The following GAS7 variants were observed in gnomAD, a reference collection of about 807,000 sequenced individuals.
The protein encoded by GAS7 is growth arrest specific 7, also known as growth arrest-specific protein 7.
GAS7 carries 28 observed loss-of-function variants against 71.1 expected under a neutral mutation model. The ratio of observed to expected loss-of-function variants is 0.39; its 90% CI spans 0.29 to 0.54. The LOEUF is 0.54. GAS7 is among the 20% of genes least tolerant of loss of function. The pLI is 0.62. For missense variants in GAS7, 436 were observed against 627.8 expected, an observed-to-expected ratio of 0.69 and a Z score of 3.27; for synonymous variants, 258 against 245.8, an observed-to-expected ratio of 1.05 and a Z score of -0.46.
intron 1 of GAS7, among the ~76,000 whole-genome samples, chr17:10,120,892 C>T (rs1567600229): frequency 6.6e-6 from 1 of 152,192 alleles, no homozygotes; most frequent in Non-Finnish European, 1.5e-5. Flanking sequence ...CCCCTCCTCT[C>T]ATCCTTTCTC....
At chr17:10,073,246 A>C (rs564119071) in intron 1 of GAS7, among the ~76,000 whole-genome samples, 5 of 152,292 alleles carry the variant, frequency 3.3e-5, no homozygotes, top group Admixed American at 2.6e-4. Context: ...GGGCAGATGT[A>C]ATCACTATGC....
intron 1 of GAS7, among the ~76,000 whole-genome samples, chr17:10,190,615 G>A (rs185864728): frequency 6.6e-6 from 1 of 151,848 alleles, no homozygotes; most frequent in Admixed American, 6.6e-5. Context: ...ATGCTTCTAA[G>A]GAAGAAGGGA....
chr17:10,026,307 A>G lies in GAS7; in HGVS notation c.184-6410T>C, dbSNP rs2072461149. The stretch of plus-strand genomic sequence containing the variant: ...CAATAGGAGCTCTAAAGAAAAGCAT[A>G]TCCACAGGGCCCCACACCCCCACTC... On this transcript the variant is annotated intron_variant, in intron 1 of 13. Transcript: ENST00000432992. The surrounding 1 kb of genome is among the most constrained non-coding windows in gnomAD (Gnocchi z 4.5). The G allele has an allele frequency of 1.0e-6, 1 of 984,952 alleles. No individual in the cohort carries two copies. The highest frequency in any genetic ancestry group is 4.7e-5 in the South Asian group (1 of 21,278). 61.0% of individuals were successfully genotyped at this position (984,952 alleles called of 1,614,324 possible).
intron 2 of GAS7, among the ~76,000 whole-genome samples, chr17:9,998,954 C>T (rs1243396273): frequency 2.6e-5 from 4 of 152,158 alleles, no homozygotes; most frequent in African/African-American, 9.7e-5. Flanking sequence ...GGCCCAGAGG[C>T]CATTAGACTG....
intron 1 of GAS7, among the ~76,000 whole-genome samples, chr17:10,149,398 C>T (rs539760065): frequency 2.0e-5 from 3 of 152,132 alleles, no homozygotes; most frequent in South Asian, 2.1e-4. Context: ...CCACCGCGCC[C>T]GGCCCCATTT....
At chr17:9,968,422 A>G (rs1378539825) in intron 4 of GAS7, among the ~76,000 whole-genome samples, 3 of 152,232 alleles carry the variant, frequency 2.0e-5, no homozygotes, top group Non-Finnish European at 4.4e-5. Context: ...CATTTTAACA[A>G]GAGGCCCAGC....
intron 1 of GAS7, chr17:10,036,805 G>C: frequency 9.9e-7 from 1 of 1,012,308 alleles, no homozygotes; most frequent in Non-Finnish European, 1.2e-6. Flanking sequence ...GCTAAAAAAC[G>C]TTGGCTGAGG....
chr17:10,080,282 G>T (rs948312201), intron 1 of GAS7, among the ~76,000 whole-genome samples: 2 of 152,158 alleles, frequency 1.3e-5, no homozygotes, highest in African/African-American at 4.8e-5. Context: ...ATGCCAGGAA[G>T]TTACCCTATA....
chr17:10,167,219 G>A (rs919618164), intron 1 of GAS7, among the ~76,000 whole-genome samples: 10 of 151,072 alleles, frequency 6.6e-5, no homozygotes, highest in East Asian at 1.9e-4. Context: ...CACCACGCCC[G>A]GCTAATTTTG....
At chr17:10,195,377 AG>A (rs759368528) in intron 1 of GAS7, among the ~76,000 whole-genome samples, 13 of 152,238 alleles carry the variant, frequency 8.5e-5, no homozygotes, top group Non-Finnish European at 1.5e-4. Flanking sequence ...CTCCTTGGGA[AG>A]TATCCAGTGT....
chr17:9,929,417 A>T (rs2152077654), intron 9 of GAS7, among the ~76,000 whole-genome samples: 1 of 152,208 alleles, frequency 6.6e-6, no homozygotes, highest in East Asian at 1.9e-4. Context: ...AAGTGATTTG[A>T]TTCCACAGAT....
At chr17:9,994,254 G>A (rs1305153075) in intron 2 of GAS7, among the ~76,000 whole-genome samples, 1 of 150,550 alleles carries the variant, frequency 6.6e-6, no homozygotes, top group Non-Finnish European at 1.5e-5. Flanking sequence ...CAAAGCTGGA[G>A]GCATCACGCT....
intron 1 of GAS7, among the ~76,000 whole-genome samples, chr17:10,169,474 G>A (rs989024156): frequency 2.0e-5 from 3 of 152,132 alleles, no homozygotes; most frequent in African/African-American, 7.2e-5. Flanking sequence ...CAGGAAGGGT[G>A]CGTCATCCCT....
In GAS7 at chr17:10,026,867, G is replaced by A. The variant is rs1359908603; in HGVS notation, c.184-6970C>T. ...CACCAGCCCCAGAGTCTGTCTCTAA[G>A]AATACTGGGCGCATTTCCTGTCTCA... is the stretch of plus-strand genomic sequence containing the variant. On this transcript the variant is annotated intron_variant, in intron 1 of 13. Coordinates refer to ENST00000432992, the MANE Select transcript of GAS7 (RefSeq NM_201433.2). This position sits in a 1 kb window ranked among gnomAD's most constrained non-coding sequence, Gnocchi z 4.5. Among the ~76,000 whole-genome samples, 1 of 152,206 alleles carries A rather than the reference G, an allele frequency of 6.6e-6. No homozygotes were observed. Among genetic ancestry groups the A allele is most frequent in the Non-Finnish European group, 1.5e-5 (1 of 68,034 alleles).
chr17:9,952,503 T>G (rs1468034695), intron 5 of GAS7, among the ~76,000 whole-genome samples: 1 of 152,194 alleles, frequency 6.6e-6, no homozygotes, highest in African/African-American at 2.4e-5. Context: ...GCGATTCTCC[T>G]GCTTCAGCCT....
intron 1 of GAS7, among the ~76,000 whole-genome samples, chr17:10,086,293 G>A (rs553135451): frequency 6.6e-6 from 1 of 152,332 alleles, no homozygotes; most frequent in East Asian, 1.9e-4. Flanking sequence ...TTTTGGCAGT[G>A]CAGGAGTCCC....
chr17:10,095,235 G>A (rs2073628909), intron 1 of GAS7, among the ~76,000 whole-genome samples: 1 of 152,160 alleles, frequency 6.6e-6, no homozygotes, highest in Admixed American at 6.5e-5. Context: ...TCTAAACTTT[G>A]ATTAGACAAC....
chr17:9,914,053 AAGTGC>A lies in GAS7; in HGVS notation c.*3170_*3174del, dbSNP rs1391438045. ...CCCGGATAGCGTGCTTGCCTCTCCA[AAGTGC>A]AGTCTTTTATTTTCTCAGTTGCATC... On this transcript the variant is annotated 3_prime_UTR_variant, in exon 14 of 14. Coordinates refer to ENST00000432992, the MANE Select transcript of GAS7 (RefSeq NM_201433.2). The A allele has an allele frequency of 4.4e-6, 1 of 228,690 alleles. No homozygotes were observed. Among genetic ancestry groups the A allele is most frequent in the Non-Finnish European group, 8.7e-6 (1 of 115,252 alleles). 14.2% of individuals were successfully genotyped at this position (228,690 alleles called of 1,614,324 possible).
chr17:10,016,533 T>C (rs1240566840), intron 2 of GAS7, among the ~76,000 whole-genome samples: 6 of 146,404 alleles, frequency 4.1e-5, no homozygotes, highest in African/African-American at 7.6e-5. Context: ...TCTCAGCACT[T>C]TGGGAAGCAG....
Sources: allele counts gnomAD v4.1 joint callset (sites outside exome capture counted in the v4.1 genomes callset), GRCh38; gene constraint gnomAD v4.1.1; non-coding constraint Gnocchi (gnomAD v3.1); transcripts MANE v1.5; gene names NCBI Gene and HGNC (gene_info 2026-07-23, HGNC 2026-07-21).